GRIK2: variants seen among roughly 807,000 people sequenced by gnomAD.
GRIK2 encodes glutamate ionotropic receptor kainate type subunit 2.
Under a neutral mutation model 100.3 loss-of-function variants are expected in GRIK2, and 32 were observed. The ratio of observed to expected loss-of-function variants is 0.32; its 90% CI spans 0.24 to 0.43. GRIK2 has a LOEUF of 0.43. GRIK2 is among the 20% of genes least tolerant of loss of function. The pLI, the probability that GRIK2 is intolerant of heterozygous loss-of-function variation, is 1.00. For missense variants in GRIK2, 843 were observed against 1,114.9 expected, an observed-to-expected ratio of 0.76 and a Z score of 3.47; for synonymous variants, 417 against 389.4, an observed-to-expected ratio of 1.07 and a Z score of -0.83.
At chr6:101,857,929 T>A (rs1298914137) in intron 10 of GRIK2, among the ~76,000 whole-genome samples, 1 of 152,160 alleles carries the variant, frequency 6.6e-6, no homozygotes, top group African/African-American at 2.4e-5. Flanking sequence ...TTGCCAATTA[T>A]CCTCTTCCTG....
intron 14 of GRIK2, among the ~76,000 whole-genome samples, chr6:101,980,780 T>C (rs894171966): frequency 6.6e-6 from 1 of 151,784 alleles, no homozygotes; most frequent in Non-Finnish European, 1.5e-5. Flanking sequence ...TTTAAAAGAT[T>C]TGTATTAGTT....
In GRIK2 at chr6:101,565,956, T is replaced by TATAA. The variant is rs1373149224; in HGVS notation, c.116-55992_116-55989dup. 4.1e-4 allele frequency among the ~76,000 whole-genome samples: 60 copies of TATAA among 144,948 alleles called. No individual in the cohort carries two copies. In the Admixed American group the frequency reaches 4.2e-3, roughly 10 times the overall value. ...ATGTGTATATATATATATATATATATATAAGCAAACTAGAGAAAAGAAACT... is the reference window on the plus strand; with the variant it reads ...ATGTGTATATATATATATATATATATATAAATAAGCAAACTAGAGAAAAGAAACT... On this transcript the variant is annotated intron_variant, in intron 2 of 16. Coordinates refer to ENST00000369134, the MANE Select transcript of GRIK2 (RefSeq NM_021956.5).
chr6:101,591,983 A>G (rs1262007862), intron 2 of GRIK2, among the ~76,000 whole-genome samples: 5 of 151,954 alleles, frequency 3.3e-5, no homozygotes, highest in Non-Finnish European at 5.9e-5. Context: ...GCTTAGTGTC[A>G]TCTCCTTGCT....
At chr6:101,572,609 T>A (rs2128299509) in intron 2 of GRIK2, among the ~76,000 whole-genome samples, 1 of 152,040 alleles carries the variant, frequency 6.6e-6, no homozygotes, top group South Asian at 2.1e-4. Flanking sequence ...AGATGTGTGT[T>A]CCTTTTAGAG....
At chr6:101,672,614 G>A (rs1770525549) in intron 4 of GRIK2, among the ~76,000 whole-genome samples, 1 of 151,564 alleles carries the variant, frequency 6.6e-6, no homozygotes, top group African/African-American at 2.4e-5. Flanking sequence ...AGGTGTACAT[G>A]TGCAGGTTTG....
rs9390781 is a variant in GRIK2, at chr6:101,785,158, A to T, written c.952-14490A>T. Among the ~76,000 whole-genome samples, 21 of 121,884 alleles carry T rather than the reference A, an allele frequency of 1.7e-4. No homozygotes were observed. The East Asian group carries it at 0.016, about 91-fold the overall frequency. 80.0% of individuals were successfully genotyped at this position (121,884 alleles called of 152,430 possible). Reference sequence around the variant, plus strand: ...TTTTAATGGGATTTTTTATTTATTTATTTTTTTTACTGTTGAGTTGTTTGA... The same window carrying T: ...TTTTAATGGGATTTTTTATTTATTTTTTTTTTTTACTGTTGAGTTGTTTGA... On this transcript the variant is annotated intron_variant, in intron 7 of 16. Coordinates refer to ENST00000369134, the MANE Select transcript of GRIK2 (RefSeq NM_021956.5).
chr6:101,514,799 T>C (rs1316586287), intron 2 of GRIK2, among the ~76,000 whole-genome samples: 1 of 152,180 alleles, frequency 6.6e-6, no homozygotes, highest in African/African-American at 2.4e-5. Context: ...CGCTGTTTTA[T>C]GTAGACTCAT....
At chr6:101,550,484 G>A (rs902561915) in intron 2 of GRIK2, among the ~76,000 whole-genome samples, 1 of 152,070 alleles carries the variant, frequency 6.6e-6, no homozygotes, top group African/African-American at 2.4e-5. Context: ...TCATAGATTG[G>A]ATATTGAGGA....
At chr6:101,810,270 C>A (rs1781247887) in intron 9 of GRIK2, among the ~76,000 whole-genome samples, 1 of 151,922 alleles carries the variant, frequency 6.6e-6, no homozygotes, top group Admixed American at 6.6e-5. Context: ...ATCAAAATCA[C>A]AACCTGTCTG....
intron 14 of GRIK2, among the ~76,000 whole-genome samples, chr6:101,988,124 TGTGTGTGTGCGCGCGCGCGCGCGCGCGC>T (rs1475010754): frequency 1.5e-4 from 4 of 26,150 alleles, no homozygotes; most frequent in Non-Finnish European, 3.0e-4. Flanking sequence ...TGTGTGTGTG[TGTGTGTGTGCGCGCGCGCGCGCGCGCGC>T]GCGTGCGCGC....
intron 7 of GRIK2, among the ~76,000 whole-genome samples, chr6:101,793,027 C>T (rs979874887): frequency 5.9e-5 from 9 of 152,294 alleles, no homozygotes; most frequent in South Asian, 2.1e-4. Flanking sequence ...GCATTCTTCA[C>T]GCAGTTCTCG....
intron 12 of GRIK2, among the ~76,000 whole-genome samples, chr6:101,912,586 CAG>C (rs1303044383): frequency 1.3e-5 from 2 of 151,604 alleles, no homozygotes; most frequent in African/African-American, 4.8e-5. Context: ...ATCCTGCTAA[CAG>C]GGGTGGGTAT....
intron 2 of GRIK2, among the ~76,000 whole-genome samples, chr6:101,505,063 T>A (rs1039053274): frequency 1.3e-5 from 2 of 151,042 alleles, no homozygotes; most frequent in Non-Finnish European, 3.0e-5. Context: ...TTTTTTTGTT[T>A]TTTTTTTTGT....
At chr6:101,712,278 C>A (rs1175361253) in intron 7 of GRIK2, among the ~76,000 whole-genome samples, 5 of 151,766 alleles carry the variant, frequency 3.3e-5, no homozygotes, top group African/African-American at 1.2e-4. Flanking sequence ...AACATCCATG[C>A]AGAAATACAG....
chr6:101,497,321 A>C (rs1036178769), intron 2 of GRIK2, among the ~76,000 whole-genome samples: 3 of 152,154 alleles, frequency 2.0e-5, no homozygotes, highest in Non-Finnish European at 4.4e-5. Flanking sequence ...ATAATGTCTA[A>C]CTTTCCAACT....
chr6:101,737,045 T>G (rs1365147118), intron 7 of GRIK2, among the ~76,000 whole-genome samples: 1 of 152,100 alleles, frequency 6.6e-6, no homozygotes, highest in Non-Finnish European at 1.5e-5. Context: ...AAGAATCACC[T>G]TTTCTCCAGT....
At chr6:101,751,702 C>A (rs183347861) in intron 7 of GRIK2, among the ~76,000 whole-genome samples, 4 of 152,292 alleles carry the variant, frequency 2.6e-5, no homozygotes, top group African/African-American at 9.6e-5. Context: ...TTGCTGATTG[C>A]AACCCCATGA....
chr6:101,801,090 T>G (rs1780640842), intron 8 of GRIK2, among the ~76,000 whole-genome samples: 1 of 152,000 alleles, frequency 6.6e-6, no homozygotes, highest in Non-Finnish European at 1.5e-5. Flanking sequence ...TTGTTTTGGT[T>G]GCTAGGAAGT....
chr6:101,675,522 C>T (rs1314309438), intron 4 of GRIK2, among the ~76,000 whole-genome samples: 1 of 151,928 alleles, frequency 6.6e-6, no homozygotes, highest in Non-Finnish European at 1.5e-5. Flanking sequence ...TCATTTGATC[C>T]AAGCTGCAAT....
Sources: allele counts gnomAD v4.1 joint callset (sites outside exome capture counted in the v4.1 genomes callset), GRCh38; gene constraint gnomAD v4.1.1; transcripts MANE v1.5; gene names NCBI Gene and HGNC (gene_info 2026-07-23, HGNC 2026-07-21).